PSG2: variants seen among roughly 807,000 people sequenced by gnomAD.
The protein encoded by PSG2 is pregnancy specific beta-1-glycoprotein 2.
PSG2 carries 49 observed loss-of-function variants against 36.2 expected under a neutral mutation model. The observed-to-expected ratio is 1.35, with a 90% CI of 1.08 to 1.72. The LOEUF (loss-of-function observed/expected upper bound fraction) is 1.72, where lower values mean the gene tolerates loss of function less well. PSG2 is among the 40% of genes most tolerant of loss of function. The probability of loss-of-function intolerance (pLI) is 0.00; values close to 1 mark genes in which losing one functional copy is unlikely to be tolerated. For synonymous variants in PSG2, 261 were observed against 155.6 expected, an observed-to-expected ratio of 1.68 and a Z score of -5.04; for missense variants, 605 against 407.2, an observed-to-expected ratio of 1.49 and a Z score of -4.18.
Position 43,072,294 on chromosome 19 carries a change from G to A in PSG2, c.710-340C>T, listed in dbSNP as rs1967830630. ...GACCGGAGAGAGACTGAGAGGCCTG[G>A]CCCCTGGTCATTTGGATTTAAGCTG... On this transcript the variant is annotated intron_variant, in intron 3 of 5. Coordinates refer to ENST00000406487, the MANE Select transcript of PSG2 (RefSeq NM_031246.4). The A allele has an allele frequency of 1.9e-6, 3 of 1,600,696 alleles. No homozygotes were observed. In the East Asian group the frequency reaches 6.7e-5, roughly 36 times the overall value.
chr19:43,076,108 G>A (rs1470399384), intron 2 of PSG2, among the ~76,000 whole-genome samples: 18 of 151,694 alleles, frequency 1.2e-4, no homozygotes, highest in Non-Finnish European at 1.3e-4. Context: ...AACCCTTTGG[G>A]TACTGGAAAG....
At chr19:43,071,452 G>A (rs1003767717) in intron 4 of PSG2, among the ~76,000 whole-genome samples, 1 of 151,472 alleles carries the variant, frequency 6.6e-6, no homozygotes, top group African/African-American at 2.4e-5. Flanking sequence ...TACCACATAG[G>A]GCTCAGGGCT....
intron 3 of PSG2, among the ~76,000 whole-genome samples, chr19:43,072,197 C>T (rs1319582445): frequency 6.6e-6 from 1 of 151,698 alleles, no homozygotes; most frequent in African/African-American, 2.4e-5. Flanking sequence ...TAAGGCTGTG[C>T]CTACCCAGGT....
At chr19:43,072,819 T>A (rs888869798) in intron 3 of PSG2, among the ~76,000 whole-genome samples, 1 of 151,798 alleles carries the variant, frequency 6.6e-6, no homozygotes, top group Non-Finnish European at 1.5e-5. Context: ...CCGCCTGCTC[T>A]GTCTTAGGAA....
intron 2 of PSG2, among the ~76,000 whole-genome samples, chr19:43,077,784 A>T (rs1021337234): frequency 1.3e-5 from 2 of 151,826 alleles, no homozygotes; most frequent in Non-Finnish European, 2.9e-5. Flanking sequence ...AAGTTGAATC[A>T]GTTGTTCCAC....
chr19:43,068,804 G>A (rs985870143), intron 4 of PSG2, among the ~76,000 whole-genome samples: 3 of 151,638 alleles, frequency 2.0e-5, no homozygotes, highest in African/African-American at 4.9e-5. Flanking sequence ...GTATGAGCAG[G>A]AATAAGACAA....
rs368083401 is a variant in PSG2 at position 43,064,876 on chromosome 19, G to A, written c.*41-275C>T. ...AGATGGAGTCTCACTCTGTCACCCA[G>A]ACTGGAGTGCAGTGGTGCCATCTGA... On this transcript the variant is annotated intron_variant, in intron 5 of 5. Transcript: ENST00000406487. Among the ~76,000 whole-genome samples, 11 of 151,752 alleles carry A rather than the reference G, an allele frequency of 7.2e-5. No homozygotes were observed. The South Asian group carries it at 2.1e-3, about 29-fold the overall frequency.
intron 1 of PSG2, 129 bp from the exon 2 acceptor site, chr19:43,081,375 A>G (rs1176269276): frequency 1.5e-6 from 2 of 1,324,560 alleles, no homozygotes; most frequent in African/African-American, 3.0e-5. Flanking sequence ...ACACACACAC[A>G]CACACACACA....
intron 2 of PSG2, among the ~76,000 whole-genome samples, chr19:43,078,626 T>G (rs1348036630): frequency 2.0e-5 from 3 of 151,498 alleles, no homozygotes; most frequent in Non-Finnish European, 2.9e-5. Flanking sequence ...CAATCAGCAG[T>G]ACTCATTTTT....
In PSG2 at chr19:43,071,931, G is replaced by A. The variant is rs759754164; in HGVS notation, c.733C>T (p.His245Tyr). 1.2e-6 allele frequency: 2 copies of A among 1,612,678 alleles called. No individual in the cohort carries two copies. The highest frequency in any genetic ancestry group is 1.7e-6 in the Non-Finnish European group (2 of 1,179,328). The change falls in exon 4 of 6, where the codon CAC (histidine) becomes TAC (tyrosine). Residue 245 changes from histidine to tyrosine, a missense_variant. By Grantham distance (83) the His-to-Tyr change is moderately conservative (BLOSUM62 2). Transcript: ENST00000406487. ...GAACGGTAATTGGTGTATGAAGGGT[G>A]AATTCTGGGGAGGTCTGGACCATCT... Reference protein sequence around the residue: ...LLHGPDLPRIHPSYTNYRSGD... With the variant: ...LLHGPDLPRIYPSYTNYRSGD...
intron 4 of PSG2, among the ~76,000 whole-genome samples, chr19:43,070,985 C>G (rs1286146694): frequency 1.3e-5 from 2 of 151,718 alleles, no homozygotes; most frequent in South Asian, 2.1e-4. Flanking sequence ...GTCCCACGTA[C>G]TGTGCCCACA....
intron 3 of PSG2, among the ~76,000 whole-genome samples, chr19:43,073,016 C>T (rs1257658400): frequency 5.3e-5 from 8 of 151,644 alleles, no homozygotes; most frequent in African/African-American, 1.9e-4. Flanking sequence ...CTACTTTGCC[C>T]CCCTAGATGT....
Position 43,082,678 on chromosome 19 carries a change from C to T in PSG2, c.-109G>A, listed in dbSNP as rs1967999091. 8 of 1,516,572 alleles carry T rather than the reference C, an allele frequency of 5.3e-6. No homozygotes were observed. The highest frequency in any genetic ancestry group is 1.8e-6 in the Non-Finnish European group (2 of 1,117,568). The allele number at this position is 1,516,572 out of a possible 1,614,324, so 93.9% of individuals were successfully genotyped here. A position where few individuals can be genotyped will look rare whatever the true frequency, so the allele number is the denominator to read the frequency against. ...TCCTTCCTCCTTCTGCACTGAGCCT[C>T]TTCCTGGGGCAGCAGCAATTCCCAG... On this transcript the variant is annotated 5_prime_UTR_variant, in exon 1 of 6. Transcript: ENST00000406487.
At chr19:43,070,242 T>C (rs10418642) in intron 4 of PSG2, among the ~76,000 whole-genome samples, 26,667 of 151,468 alleles carry the variant, frequency 0.18, 4,250 homozygotes, top group African/African-American at 0.4. Context: ...CTCTAGTGCA[T>C]TGCTGATGGG....
rs1967970134 is a variant in PSG2 at position 43,081,255 on chromosome 19, T to C, written c.65-9A>G. The C allele has an allele frequency of 6.2e-7, 1 of 1,607,834 alleles. No homozygotes were observed. On this transcript the variant is annotated splice_polypyrimidine_tract_variant and intron_variant, in intron 1 of 5. Coordinates refer to ENST00000406487, the MANE Select transcript of PSG2 (RefSeq NM_031246.4). ...GAAGTTTAAAAGTGATGCTAGGAGGTGGAGAGAGCATCAGACAATATTGAG... is the reference window on the plus strand; with the variant it reads ...GAAGTTTAAAAGTGATGCTAGGAGGCGGAGAGAGCATCAGACAATATTGAG...
Position 43,080,763 on chromosome 19 carries a change from A to C in PSG2, c.430+118T>G, listed in dbSNP as rs559642523. The C allele has an allele frequency of 2.4e-5, 38 of 1,590,082 alleles. No individual in the cohort carries two copies. The South Asian group carries it at 4.2e-4, about 18-fold the overall frequency. On this transcript the variant is annotated intron_variant, in intron 2 of 5. Coordinates refer to ENST00000406487, the MANE Select transcript of PSG2 (RefSeq NM_031246.4). Reference sequence around the variant, plus strand: ...GTCCTGCACTAAATGCCCAAACCCCAGCATGGGACATAATGCAGAGAGGGA... The same window carrying C: ...GTCCTGCACTAAATGCCCAAACCCCCGCATGGGACATAATGCAGAGAGGGA...
At chr19:43,079,784 C>A (rs1967945814) in intron 2 of PSG2, among the ~76,000 whole-genome samples, 2 of 151,626 alleles carry the variant, frequency 1.3e-5, no homozygotes, top group South Asian at 4.2e-4. Flanking sequence ...GTTTGGATGC[C>A]TAAGAAGAGA....
At chr19:43,071,433 A>G (rs1447731632) in intron 4 of PSG2, among the ~76,000 whole-genome samples, 1 of 151,650 alleles carries the variant, frequency 6.6e-6, no homozygotes, top group Non-Finnish European at 1.5e-5. Context: ...CCCTCTGTGA[A>G]GCCTCTTCTA....
intron 3 of PSG2, among the ~76,000 whole-genome samples, 194 bp from the exon 4 acceptor site, chr19:43,072,148 T>C (rs1429129607): frequency 1.3e-5 from 2 of 151,512 alleles, no homozygotes; most frequent in African/African-American, 2.4e-5. Context: ...GCCCCAAGTC[T>C]CCCACGACAA....
Sources: allele counts gnomAD v4.1 joint callset (sites outside exome capture counted in the v4.1 genomes callset), GRCh38; gene constraint gnomAD v4.1.1; transcripts MANE v1.5; gene names NCBI Gene and HGNC (gene_info 2026-07-23, HGNC 2026-07-21).